The following MAT2A variants were observed in gnomAD, a reference collection of about 807,000 sequenced individuals.
MAT2A encodes the protein methionine adenosyltransferase 2A, also known as S-adenosylmethionine synthase isoform type-2.
In MAT2A, 3 loss-of-function variants were observed where a neutral mutation model predicts 43.9. That is an observed-to-expected ratio of 0.07 (90% CI 0.03 to 0.18). The LOEUF (loss-of-function observed/expected upper bound fraction) is 0.18, where lower values mean the gene tolerates loss of function less well. MAT2A is among the 10% of genes least tolerant of loss of function. The probability of loss-of-function intolerance (pLI) is 1.00; values close to 1 mark genes in which losing one functional copy is unlikely to be tolerated. For synonymous variants in MAT2A, 200 were observed against 168.4 expected (o/e 1.19, Z -1.45); for missense variants, 204 against 489.0 (o/e 0.42, Z 5.50).
Position 85,539,246 on chromosome 2 carries a change from C to G in MAT2A, c.-42C>G, listed in dbSNP as rs757325418. ...CATTTCGCAGCCGCTGCCGCCTCGCCGCTGCTCCTTCGTAAGGCCACTTCC... is the reference window on the plus strand; with the variant it reads ...CATTTCGCAGCCGCTGCCGCCTCGCGGCTGCTCCTTCGTAAGGCCACTTCC... On this transcript the variant is annotated 5_prime_UTR_variant, in exon 1 of 9. Transcript: ENST00000306434. The G allele has an allele frequency of 1.4e-6, 2 of 1,440,942 alleles. No individual in the cohort carries two copies. Among genetic ancestry groups the G allele is most frequent in the African/African-American group, 1.4e-5 (1 of 69,804 alleles). The allele number at this position is 1,440,942 out of a possible 1,614,324, so 89.3% of individuals were successfully genotyped here.
At chr2:85,543,138 A>C (rs1363238596) in intron 8 of MAT2A, 104 bp downstream of exon 8, 1 of 1,217,894 alleles carries the variant, frequency 8.2e-7, no homozygotes, top group Non-Finnish European at 1.1e-6. Context: ...GACTCCTCAA[A>C]TGGGAATATA....
Sources: allele counts gnomAD v4.1 joint callset, GRCh38; gene constraint gnomAD v4.1.1; transcripts MANE v1.5; gene names NCBI Gene and HGNC (gene_info 2026-07-23, HGNC 2026-07-21).